The following PTPN3 variants were observed in gnomAD, a reference collection of about 807,000 sequenced individuals.
PTPN3 encodes the protein protein tyrosine phosphatase non-receptor type 3.
A neutral mutation model predicts 132.7 loss-of-function variants in PTPN3; 96 were observed. The observed-to-expected ratio is 0.72, with a 90% CI of 0.61 to 0.86. The LOEUF (loss-of-function observed/expected upper bound fraction) is 0.86, where lower values mean the gene tolerates loss of function less well. Ranked by LOEUF, PTPN3 falls within the 40% of genes least tolerant of loss-of-function variation. The probability of loss-of-function intolerance (pLI) is 0.00; values close to 1 mark genes in which losing one functional copy is unlikely to be tolerated. For synonymous variants in PTPN3, 398 were observed against 429.0 expected (o/e 0.93, Z 0.89); for missense variants, 1,125 against 1,159.6 (o/e 0.97, Z 0.43).
chr9:109,464,182 T>C (rs1042471494), intron 1 of PTPN3, among the ~76,000 whole-genome samples: 27 of 152,348 alleles, frequency 1.8e-4, no homozygotes, highest in Admixed American at 6.5e-5. Context: ...GGTGAAAGCA[T>C]AACTCAGTGC....
intron 7 of PTPN3, among the ~76,000 whole-genome samples, chr9:109,438,805 C>G (rs530993257): frequency 1.3e-5 from 2 of 152,280 alleles, no homozygotes; most frequent in East Asian, 3.9e-4. Context: ...TGCTCAGAGG[C>G]CACAGGGACA....
At chr9:109,521,619 CTGAG>C in the PTPN3 span, among the ~76,000 whole-genome samples, 1 of 152,210 alleles carries the variant, frequency 6.6e-6, no homozygotes, top group Non-Finnish European at 1.5e-5. Context: ...TCCCACTTGT[CTGAG>C]TGAGATCTGT....
At chr9:109,488,340 T>G (rs529303848) in intron 1 of PTPN3, among the ~76,000 whole-genome samples, 8 of 152,122 alleles carry the variant, frequency 5.3e-5, no homozygotes, top group Non-Finnish European at 1.0e-4. Context: ...CCTCAGGTGA[T>G]CCACCCGCCT....
intron 1 of PTPN3, among the ~76,000 whole-genome samples, chr9:109,496,414 C>T (rs1033745751): frequency 6.6e-6 from 1 of 152,318 alleles, no homozygotes; most frequent in Non-Finnish European, 1.5e-5. Flanking sequence ...GGACAGGCAG[C>T]TTGATGCAGA....
intron 19 of PTPN3, chr9:109,392,547 T>C (rs1840214672): frequency 2.0e-5 from 3 of 152,214 alleles, no homozygotes; most frequent in African/African-American, 7.2e-5. Context: ...AAACGCATAA[T>C]ACATTTATAT....
intron 1 of PTPN3, among the ~76,000 whole-genome samples, chr9:109,469,227 C>G (rs931214991): frequency 5.9e-5 from 9 of 152,188 alleles, no homozygotes; most frequent in Non-Finnish European, 1.0e-4. Flanking sequence ...ACATTCGGAT[C>G]TGGGAAACTG....
the PTPN3 span, among the ~76,000 whole-genome samples, chr9:109,523,812 G>T: frequency 6.2e-5 from 3 of 48,414 alleles, no homozygotes; most frequent in African/African-American, 2.8e-4. Flanking sequence ...CCTTCTGCAA[G>T]TCTCTTCCTG....
chr9:109,461,061 T>C (rs963036182), intron 2 of PTPN3, among the ~76,000 whole-genome samples: 1 of 152,212 alleles, frequency 6.6e-6, no homozygotes, highest in African/African-American at 2.4e-5. Flanking sequence ...GTGTACAGCA[T>C]CTGGAAGAGA....
intron 24 of PTPN3, 105 bp downstream of exon 24, chr9:109,382,197 C>G: frequency 1.5e-6 from 2 of 1,379,172 alleles, no homozygotes; most frequent in Admixed American, 2.2e-5. Flanking sequence ...TGTAAGGGCA[C>G]ACGACTTTGT....
At chr9:109,471,667 G>A (rs1846388317) in intron 1 of PTPN3, among the ~76,000 whole-genome samples, 3 of 118,006 alleles carry the variant, frequency 2.5e-5, no homozygotes, top group Non-Finnish European at 5.2e-5. Flanking sequence ...TCATATGGAA[G>A]GCACTTTTTT....
At chr9:109,391,378 G>T in intron 20 of PTPN3, 93 bp downstream of exon 20, 2 of 1,405,132 alleles carry the variant, frequency 1.4e-6, no homozygotes, top group Non-Finnish European at 2.0e-6. Flanking sequence ...CAGACACACT[G>T]AAAATCGTTC....
chr9:109,534,743 A>G, the PTPN3 span, among the ~76,000 whole-genome samples: 1 of 151,866 alleles, frequency 6.6e-6, no homozygotes, highest in Admixed American at 6.6e-5. Context: ...CCGAGGTTGC[A>G]GTGAGCCAAG....
chr9:109,537,212 T>C, the PTPN3 span, among the ~76,000 whole-genome samples: 1 of 152,208 alleles, frequency 6.6e-6, no homozygotes, highest in Non-Finnish European at 1.5e-5. Context: ...GAGGGGTCCT[T>C]AAGGATTTAC....
chr9:109,393,287 T>A (rs1257740240), intron 19 of PTPN3, among the ~76,000 whole-genome samples: 1 of 152,128 alleles, frequency 6.6e-6, no homozygotes, highest in Non-Finnish European at 1.5e-5. Context: ...TTAACTTTTA[T>A]CTTACTTTTT....
Position 109,444,364 on chromosome 9 carries a change from G to C in PTPN3, c.466+876C>G, listed in dbSNP as rs201502399. Reference sequence around the variant, plus strand: ...AGGACTTGGAAGGGAATATACCCTCGATAAAGTTTTGCTGATTGAATGAGC... The same window carrying C: ...AGGACTTGGAAGGGAATATACCCTCCATAAAGTTTTGCTGATTGAATGAGC... On this transcript the variant is annotated intron_variant, in intron 7 of 25. Coordinates refer to ENST00000374541, the MANE Select transcript of PTPN3 (RefSeq NM_002829.4). Among the ~76,000 whole-genome samples the C allele has an allele frequency of 4.6e-5, 7 of 152,236 alleles. No individual in the cohort carries two copies. In the South Asian group the frequency reaches 1.5e-3, roughly 32 times the overall value.
chr9:109,502,076 A>C (rs1488423400), upstream of PTPN3, among the ~76,000 whole-genome samples: 1 of 152,262 alleles, frequency 6.6e-6, no homozygotes, highest in Non-Finnish European at 1.5e-5. Flanking sequence ...ATACGCTACA[A>C]ACTGAATATA....
At chr9:109,412,566 G>A (rs543337179) in intron 14 of PTPN3, among the ~76,000 whole-genome samples, 2 of 152,080 alleles carry the variant, frequency 1.3e-5, no homozygotes, top group African/African-American at 2.4e-5. Flanking sequence ...GTAGAGACAG[G>A]GTTTCACCAT....
intron 1 of PTPN3, among the ~76,000 whole-genome samples, chr9:109,481,496 T>C (rs989271219): frequency 3.3e-5 from 5 of 152,194 alleles, no homozygotes; most frequent in South Asian, 4.1e-4. Flanking sequence ...TTGCACGTGC[T>C]GTTCCCTCTC....
intron 14 of PTPN3, among the ~76,000 whole-genome samples, chr9:109,414,993 C>T (rs997146400): frequency 1.1e-4 from 16 of 151,598 alleles, no homozygotes; most frequent in Non-Finnish European, 1.9e-4. Flanking sequence ...GTTTGTATCT[C>T]GGGGCCCCAT....
Sources: gnomAD v4.1 joint callset for allele counts (sites outside exome capture counted in the v4.1 genomes callset) on GRCh38, gnomAD v4.1.1 for gene constraint, MANE v1.5 for transcripts, NCBI Gene and HGNC (gene_info 2026-07-23, HGNC 2026-07-21) for gene names.